PRSS55: variants seen among roughly 807,000 people sequenced by gnomAD.
PRSS55 encodes the protein probable serine protease UNQ9391/PRO34284.
In PRSS55, 41 loss-of-function variants were observed where a neutral mutation model predicts 23.6. The observed-to-expected ratio is 1.74, with a 90% CI of 1.35 to 2.26. The LOEUF is 2.26. PRSS55 is among the 30% of genes most tolerant of loss of function. The pLI, the probability that PRSS55 is intolerant of heterozygous loss-of-function variation, is 0.00. For missense variants in PRSS55, 669 were observed against 439.1 expected, an observed-to-expected ratio of 1.52 and a Z score of -4.68; for synonymous variants, 262 against 175.5, an observed-to-expected ratio of 1.49 and a Z score of -3.90.
At chr8:10,541,906 TG>T (rs1812666658), downstream of PRSS55, among the ~76,000 whole-genome samples, 1 of 152,124 alleles carries the variant, frequency 6.6e-6, no homozygotes, top group Non-Finnish European at 1.5e-5. Context: ...CTCTAATAGC[TG>T]GGACTACAGG....
intron 1 of PRSS55, among the ~76,000 whole-genome samples, chr8:10,528,159 A>C (rs1469906877): frequency 1.3e-5 from 2 of 150,822 alleles, no homozygotes; most frequent in Non-Finnish European, 2.9e-5. Flanking sequence ...AGATGGTGCC[A>C]CTGCACTCCA....
intron 2 of PRSS55, 84 bp downstream of exon 2, chr8:10,529,783 A>T: frequency 7.3e-7 from 1 of 1,363,174 alleles, no homozygotes; most frequent in Non-Finnish European, 1.0e-6. Flanking sequence ...CTGGTGGCTG[A>T]GAGGAACCTG....
At chr8:10,534,593 A>G (rs1585876803) in intron 4 of PRSS55, among the ~76,000 whole-genome samples, 1 of 152,314 alleles carries the variant, frequency 6.6e-6, no homozygotes. Context: ...CTCTATGACA[A>G]ACCCACAGCC....
chr8:10,541,075 GGA>G (rs1488214688), downstream of PRSS55: 1 of 152,552 alleles, frequency 6.6e-6, no homozygotes, highest in Non-Finnish European at 1.5e-5. Flanking sequence ...CACAGGGATG[GGA>G]GCAGCAATGG....
downstream of PRSS55, among the ~76,000 whole-genome samples, chr8:10,540,007 C>G (rs992415410): frequency 2.0e-5 from 3 of 152,226 alleles, no homozygotes; most frequent in Non-Finnish European, 4.4e-5. Context: ...TGGAGCCAAG[C>G]TGATGGCGCT....
At position 10,533,061 on chromosome 8, in the gene PRSS55, T is replaced by C. The variant is rs777488437; in HGVS notation, c.741+13T>C. ...TGATGCCTGCAAGGTAACTAGGGGG[T>C]ACCCTCCCTCACCTTATAGGTCCTC... is the stretch of plus-strand genomic sequence containing the variant. On this transcript the variant is annotated intron_variant, in intron 4 of 4. Transcript: ENST00000328655. 1.1e-5 allele frequency: 18 copies of C among 1,613,866 alleles called. No individual in the cohort carries two copies. The African/African-American group carries it at 2.1e-4, about 19-fold the overall frequency.
chr8:10,542,873 CAAAAAA>C (rs57410579), downstream of PRSS55, among the ~76,000 whole-genome samples: 3 of 81,024 alleles, frequency 3.7e-5, no homozygotes, highest in Admixed American at 1.4e-4. Flanking sequence ...AACTTTGTCT[CAAAAAA>C]AAAAAAAAAA....
intron 4 of PRSS55, among the ~76,000 whole-genome samples, chr8:10,547,753 T>G: frequency 8.9e-6 from 1 of 112,116 alleles, no homozygotes; most frequent in Non-Finnish European, 1.8e-5. Flanking sequence ...CCCGCCCCAG[T>G]CTTGGTGGCT....
At chr8:10,538,934 T>C (rs1009055960), downstream of PRSS55, 28 of 793,362 alleles carry the variant, frequency 3.5e-5, no homozygotes, top group Admixed American at 1.5e-4. Flanking sequence ...CCTGGGTCCC[T>C]GGTTTGGGGA....
intron 4 of PRSS55, among the ~76,000 whole-genome samples, chr8:10,537,816 T>G (rs10094938): frequency 0.51 from 77,329 of 151,970 alleles, 20,264 homozygotes; most frequent in East Asian, 0.74. Context: ...CAGCAAGCCC[T>G]TTCTCCTCCT....
At chr8:10,543,432 C>T (rs369394349), downstream of PRSS55, among the ~76,000 whole-genome samples, 2,642 of 17,016 alleles carry the variant, frequency 0.16, 63 homozygotes, top group South Asian at 0.2. Flanking sequence ...TTCTTCCTTC[C>T]TTCCTTCCTT....
intron 4 of PRSS55, among the ~76,000 whole-genome samples, chr8:10,537,358 A>G (rs1041669034): frequency 6.6e-6 from 1 of 152,252 alleles, no homozygotes; most frequent in Admixed American, 6.5e-5. Context: ...TACATTAAGT[A>G]AAATAAGCCA....
At chr8:10,542,952 T>A (rs1812702311), downstream of PRSS55, among the ~76,000 whole-genome samples, 1 of 151,716 alleles carries the variant, frequency 6.6e-6, no homozygotes. Context: ...TGTCTGTGGC[T>A]GTTTTGTCTG....
intron 4 of PRSS55, among the ~76,000 whole-genome samples, chr8:10,533,870 C>A (rs533625783): frequency 6.6e-6 from 1 of 152,152 alleles, no homozygotes; most frequent in African/African-American, 2.4e-5. Context: ...ATTTATCTAT[C>A]TGTTATGGTT....
rs183886614 is a variant in PRSS55, at chr8:10,526,268, G to C, written c.154+529G>C. Reference sequence around the variant, plus strand: ...CCATGTTTAACGCCCACACCACCACGGTGGGGCATCTGCTCTCAGACAACG... The same window carrying C: ...CCATGTTTAACGCCCACACCACCACCGTGGGGCATCTGCTCTCAGACAACG... On this transcript the variant is annotated intron_variant, in intron 1 of 4. Transcript: ENST00000328655. Among the ~76,000 whole-genome samples, 12 of 152,192 alleles carry C rather than the reference G, an allele frequency of 7.9e-5. No individual in the cohort carries two copies. The South Asian group carries it at 2.5e-3, about 31-fold the overall frequency.
At chr8:10,543,237 T>C (rs1020889787), downstream of PRSS55, among the ~76,000 whole-genome samples, 10 of 152,100 alleles carry the variant, frequency 6.6e-5, no homozygotes, top group African/African-American at 2.4e-4. Flanking sequence ...AGCAGCTCTC[T>C]GTCTGCTAGG....
chr8:10,534,409 C>G (rs928526703), intron 4 of PRSS55, among the ~76,000 whole-genome samples: 2 of 152,154 alleles, frequency 1.3e-5, no homozygotes, highest in African/African-American at 4.8e-5. Flanking sequence ...TCCATTTACT[C>G]TAGTCACCTC....
At chr8:10,545,192 G>A in intron 4 of PRSS55, 1 of 147,066 alleles carries the variant, frequency 6.8e-6, no homozygotes, top group Non-Finnish European at 1.3e-5. Flanking sequence ...TAAAATGCAA[G>A]CCCACACTAT....
At chr8:10,532,714 G>A (rs1278549995) in intron 3 of PRSS55, among the ~76,000 whole-genome samples, 192 bp from the exon 4 acceptor site, 2 of 152,166 alleles carry the variant, frequency 1.3e-5, no homozygotes, top group African/African-American at 2.4e-5. Context: ...AGTTCCAGTA[G>A]CTGTGGGAGT....
Sources: allele counts gnomAD v4.1 joint callset (sites outside exome capture counted in the v4.1 genomes callset), GRCh38; gene constraint gnomAD v4.1.1; transcripts MANE v1.5; gene names NCBI Gene and HGNC (gene_info 2026-07-23, HGNC 2026-07-21).